LINGO2: variants seen among roughly 807,000 people sequenced by gnomAD.
LINGO2 encodes the protein leucine rich repeat and Ig domain containing 2.
LINGO2 carries 14 observed loss-of-function variants against 30.6 expected under a neutral mutation model. That is an observed-to-expected ratio of 0.46 (90% CI 0.30 to 0.72). The LOEUF (loss-of-function observed/expected upper bound fraction) is 0.72, where lower values mean the gene tolerates loss of function less well. LINGO2 is among the 30% of genes least tolerant of loss of function. The pLI is 0.07. For synonymous variants in LINGO2, 317 were observed against 288.5 expected, an observed-to-expected ratio of 1.10 and a Z score of -1.00; for missense variants, 729 against 751.7, an observed-to-expected ratio of 0.97 and a Z score of 0.35.
At chr9:29,012,230 T>C in the LINGO2 span, among the ~76,000 whole-genome samples, 1 of 152,002 alleles carries the variant, frequency 6.6e-6, no homozygotes, top group African/African-American at 2.4e-5. Flanking sequence ...TGGTGGCAGA[T>C]GTCTGTAATC....
At chr9:27,974,619 A>G (rs558265165) in intron 5 of LINGO2, among the ~76,000 whole-genome samples, 1 of 152,206 alleles carries the variant, frequency 6.6e-6, no homozygotes, top group East Asian at 1.9e-4. Context: ...TATAACTTCA[A>G]GTGTTACCAG....
intron 2 of LINGO2, among the ~76,000 whole-genome samples, chr9:28,396,031 C>T (rs1822026928): frequency 1.3e-5 from 2 of 152,138 alleles, no homozygotes; most frequent in African/African-American, 4.8e-5. Flanking sequence ...ACTAGGGACG[C>T]TACCATAATT....
the LINGO2 span, among the ~76,000 whole-genome samples, chr9:28,764,781 A>G: frequency 3.2e-3 from 491 of 152,092 alleles, no homozygotes; most frequent in Admixed American, 5.6e-3. Flanking sequence ...ATCATTAGAA[A>G]TAATAAACAA....
At chr9:28,069,370 A>G (rs1273527182) in intron 4 of LINGO2, among the ~76,000 whole-genome samples, 1 of 152,184 alleles carries the variant, frequency 6.6e-6, no homozygotes, top group Non-Finnish European at 1.5e-5. Context: ...ACATACTATG[A>G]ATGACACCCT....
At chr9:28,946,213 G>T in the LINGO2 span, among the ~76,000 whole-genome samples, 1 of 152,214 alleles carries the variant, frequency 6.6e-6, no homozygotes, top group African/African-American at 2.4e-5. Flanking sequence ...TTAGTAACTT[G>T]ATCACTACTT....
intron 4 of LINGO2, among the ~76,000 whole-genome samples, chr9:28,171,317 T>G (rs1031497996): frequency 2.6e-5 from 4 of 152,166 alleles, no homozygotes; most frequent in Non-Finnish European, 5.9e-5. Context: ...TAGGGTACCC[T>G]TCATTTACAA....
At chr9:28,224,395 C>T (rs1214498287) in intron 4 of LINGO2, among the ~76,000 whole-genome samples, 2 of 152,118 alleles carry the variant, frequency 1.3e-5, no homozygotes, top group Admixed American at 6.5e-5. Flanking sequence ...AATAGATGTA[C>T]ATTTATAAGG....
chr9:28,342,655 G>T (rs1819391892), intron 3 of LINGO2, among the ~76,000 whole-genome samples: 1 of 152,034 alleles, frequency 6.6e-6, no homozygotes, highest in South Asian at 2.1e-4. Flanking sequence ...GAAAAGTACT[G>T]CAGTATATGG....
the LINGO2 span, among the ~76,000 whole-genome samples, chr9:29,211,557 C>CCTTCT: frequency 0.043 from 6,413 of 150,848 alleles, 405 homozygotes; most frequent in African/African-American, 0.14. Context: ...TCCTTCTCAT[C>CCTTCT]CTTCTCTTCT....
intron 2 of LINGO2, among the ~76,000 whole-genome samples, chr9:28,429,145 C>A (rs1055231384): frequency 2.6e-5 from 4 of 152,152 alleles, no homozygotes; most frequent in Non-Finnish European, 5.9e-5. Context: ...GTTTGCTTAG[C>A]ACATTTATCT....
chr9:28,471,520 C>G (rs980104058), intron 2 of LINGO2, among the ~76,000 whole-genome samples: 1 of 152,248 alleles, frequency 6.6e-6, no homozygotes, highest in East Asian at 1.9e-4. Context: ...ACACAGGGGA[C>G]CACATTTTTC....
chr9:28,781,035 A>C, the LINGO2 span, among the ~76,000 whole-genome samples: 1 of 152,152 alleles, frequency 6.6e-6, no homozygotes, highest in Non-Finnish European at 1.5e-5. Context: ...GTGTTTATAT[A>C]CAGAGTCATA....
Position 28,199,161 on chromosome 9 carries a change from A to G in LINGO2, c.-87+96047T>C, listed in dbSNP as rs185595679. Among the ~76,000 whole-genome samples, 237 of 152,212 alleles carry G rather than the reference A, an allele frequency of 1.6e-3. 1 individual carries two copies. The highest frequency in any genetic ancestry group is 5.4e-3 in the African/African-American group (225 of 41,530). The stretch of plus-strand genomic sequence containing the variant: ...TCAACTTATTTATCTGACTCCTGGT[A>G]TTTGGGTTGTTATTTATCTTTATTC... On this transcript the variant is annotated intron_variant, in intron 4 of 5. Coordinates refer to ENST00000379992, the Ensembl canonical transcript of LINGO2.
the LINGO2 span, among the ~76,000 whole-genome samples, chr9:29,188,188 T>C: frequency 1.3e-5 from 2 of 151,810 alleles, no homozygotes; most frequent in Non-Finnish European, 2.9e-5. Flanking sequence ...TTTGTGTCCC[T>C]GGGTACTTAA....
At chr9:28,775,128 T>C in the LINGO2 span, among the ~76,000 whole-genome samples, 7 of 152,066 alleles carry the variant, frequency 4.6e-5, no homozygotes, top group East Asian at 1.3e-3. Context: ...GAGTTATGAG[T>C]TGTGCCTTAG....
chr9:28,934,229 G>A, the LINGO2 span, among the ~76,000 whole-genome samples: 1 of 152,148 alleles, frequency 6.6e-6, no homozygotes, highest in African/African-American at 2.4e-5. Flanking sequence ...ACTGGTTTAT[G>A]CTGATCAACA....
the LINGO2 span, among the ~76,000 whole-genome samples, chr9:29,126,976 CCAGT>C: frequency 6.6e-6 from 1 of 152,078 alleles, no homozygotes; most frequent in African/African-American, 2.4e-5. Flanking sequence ...CCTCCCAGAA[CCAGT>C]CAGACTGGTC....
chr9:29,151,751 AT>A, the LINGO2 span, among the ~76,000 whole-genome samples: 1 of 152,196 alleles, frequency 6.6e-6, no homozygotes, highest in Non-Finnish European at 1.5e-5. Flanking sequence ...CATAAAACAA[AT>A]TATTCTTGAC....
intron 3 of LINGO2, among the ~76,000 whole-genome samples, chr9:28,323,110 G>A (rs1825106898): frequency 6.6e-6 from 1 of 152,070 alleles, no homozygotes; most frequent in Admixed American, 6.6e-5. Flanking sequence ...GTCCCAGAGT[G>A]GGTGGTTTAT....
Sources: allele counts gnomAD v4.1 joint callset (sites outside exome capture counted in the v4.1 genomes callset), GRCh38; gene constraint gnomAD v4.1.1; transcripts MANE v1.5; gene names NCBI Gene and HGNC (gene_info 2026-07-23, HGNC 2026-07-21).